MCC: variants seen among roughly 807,000 people sequenced by gnomAD.
MCC encodes the protein colorectal mutant cancer protein.
In MCC, 90 loss-of-function variants were observed where a neutral mutation model predicts 116.2. That is an observed-to-expected ratio of 0.77 (90% CI 0.65 to 0.92). The LOEUF is 0.92. Among genes scored for constraint, MCC ranks in the 40% least tolerant of loss-of-function variants. The pLI is 0.00. For synonymous variants in MCC, 578 were observed against 510.5 expected (o/e 1.13, Z -1.78); for missense variants, 1,516 against 1,312.2 (o/e 1.16, Z -2.40).
chr5:113,229,631 G>A (rs1763868649), intron 3 of MCC, among the ~76,000 whole-genome samples: 1 of 152,194 alleles, frequency 6.6e-6, no homozygotes, highest in South Asian at 2.1e-4. Context: ...ACAGTCATGT[G>A]CTGCATAACA....
At chr5:113,476,411 T>A (rs1421408806) in intron 1 of MCC, among the ~76,000 whole-genome samples, 1 of 152,150 alleles carries the variant, frequency 6.6e-6, no homozygotes, top group Non-Finnish European at 1.5e-5. Flanking sequence ...GTCTATTGAT[T>A]TTTGACAAGG....
In MCC at chr5:113,085,204, A is replaced by G; in HGVS notation, c.1505T>C (p.Leu502Pro). 6.2e-7 allele frequency: 1 copy of G among 1,614,180 alleles called. No homozygotes were observed. Among genetic ancestry groups the G allele is most frequent in the Non-Finnish European group, 8.5e-7 (1 of 1,180,032 alleles). ...GTCATTGCTGCTGCTGCTTGTGCTC[A>G]GCTCCCCAGTGCTGGGGTTAATCGG... ...NRPINPSTGE[L>P]STSSSSNDIP... Residue 502 changes from leucine (L) to proline (P), a missense_variant, in exon 9 of 19, where the codon CTG (leucine) becomes CCG (proline). Physicochemically the swap from Leu to Pro is moderately conservative, Grantham distance 98. Coordinates refer to ENST00000408903, the MANE Select transcript of MCC (RefSeq NM_001085377.2).
chr5:113,326,919 G>C (rs1018644697), intron 3 of MCC, among the ~76,000 whole-genome samples: 1 of 152,154 alleles, frequency 6.6e-6, no homozygotes, highest in East Asian at 1.9e-4. Context: ...ATCTCTTAAA[G>C]AGAGTGCAGC....
chr5:113,425,847 T>G (rs1770467370), intron 1 of MCC, among the ~76,000 whole-genome samples: 1 of 151,902 alleles, frequency 6.6e-6, no homozygotes, highest in South Asian at 2.1e-4. Context: ...TCGTTCACCA[T>G]GCTGGGGGTG....
At chr5:113,432,320 C>CAAAAA (rs66577040) in intron 1 of MCC, among the ~76,000 whole-genome samples, 844 of 65,376 alleles carry the variant, frequency 0.013, no homozygotes, top group Non-Finnish European at 0.017. Flanking sequence ...GACTCTGTCT[C>CAAAAA]AAAAAAAAAA....
intron 12 of MCC, 28 bp downstream of exon 12, chr5:113,071,066 A>T: frequency 6.3e-7 from 1 of 1,596,088 alleles, no homozygotes; most frequent in African/African-American, 1.4e-5. Context: ...ACCCTGAAGT[A>T]GCTCCAAACA....
intron 2 of MCC, among the ~76,000 whole-genome samples, chr5:113,379,355 TAAC>T (rs1037168252): frequency 2.4e-4 from 36 of 152,232 alleles, no homozygotes; most frequent in African/African-American, 8.4e-4. Context: ...ATGATAATGA[TAAC>T]AACACGATTA....
Position 113,082,900 on chromosome 5 carries a change from T to C in MCC, c.1744A>G (p.Lys582Glu). 6.2e-7 allele frequency: 1 copy of C among 1,614,230 alleles called. No individual in the cohort carries two copies. Among genetic ancestry groups the C allele is most frequent in the Non-Finnish European group, 8.5e-7 (1 of 1,180,046 alleles). Residue 582 changes from lysine (K) to glutamate (E), a missense_variant, in exon 11 of 19, where the codon AAG (lysine) becomes GAG (glutamate). Lys to Glu is a moderately conservative substitution (Grantham distance 56). Transcript: ENST00000408903. The stretch of plus-strand genomic sequence containing the variant: ...GTTTCCACCTCAAACTCTCTAATCT[T>C]GCTTTCTGAGATGGCAGATCCGTGT... ...YSHGSAISES[K>E]IREFEVETER...
At position 113,064,048 on chromosome 5, in the gene MCC, C is replaced by G; in HGVS notation, c.2149G>C (p.Ala717Pro). The G allele has an allele frequency of 6.2e-7, 1 of 1,614,204 alleles. No homozygotes were observed. The stretch of plus-strand genomic sequence containing the variant: ...ACGCTGCAGCCGGCCACGGCAAAGG[C>G]TCCCCCACAGCTGCCGTCCAGCTTC... ...LMKLDGSCGG[A>P]FAVAGCSVQP... Residue 717 changes from alanine (A) to proline (P), a missense_variant, in exon 14 of 19, where the codon GCC (alanine) becomes CCC (proline). Physicochemically the swap from Ala to Pro is conservative, Grantham distance 27. Coordinates refer to ENST00000408903, the MANE Select transcript of MCC (RefSeq NM_001085377.2).
intron 1 of MCC, chr5:113,433,796 C>G (rs764088372): frequency 3.1e-6 from 5 of 1,613,922 alleles, no homozygotes; most frequent in Non-Finnish European, 4.2e-6. Context: ...CCATAGTCGA[C>G]GGCTTGCTGG....
chr5:113,339,509 T>C (rs988893026), intron 3 of MCC, among the ~76,000 whole-genome samples: 3 of 151,898 alleles, frequency 2.0e-5, no homozygotes, highest in African/African-American at 7.3e-5. Context: ...ATGCATTCCA[T>C]TTAGTTGTCG....
chr5:113,154,616 A>G (rs1760070049), intron 3 of MCC, among the ~76,000 whole-genome samples: 1 of 152,228 alleles, frequency 6.6e-6, no homozygotes, highest in African/African-American at 2.4e-5. Context: ...GGGTTTCACC[A>G]GTCTCTGGCT....
chr5:113,298,307 G>A (rs1766762617), intron 3 of MCC, among the ~76,000 whole-genome samples: 1 of 152,208 alleles, frequency 6.6e-6, no homozygotes, highest in Non-Finnish European at 1.5e-5. Flanking sequence ...GGCAGAAGGA[G>A]GAGCAGCATC....
chr5:113,252,935 G>C (rs913823273), intron 3 of MCC, among the ~76,000 whole-genome samples: 1 of 152,224 alleles, frequency 6.6e-6, no homozygotes, highest in African/African-American at 2.4e-5. Context: ...GGGAACTGGC[G>C]AACATGGAGA....
chr5:113,327,586 A>AT lies in MCC; in HGVS notation c.627+12932_627+12933insA, dbSNP rs1561525256. Among the ~76,000 whole-genome samples, 238 of 112,930 alleles carry AT rather than the reference A, an allele frequency of 2.1e-3. 3 individuals are homozygous for AT. Among genetic ancestry groups the AT allele is most frequent in the Non-Finnish European group, 2.3e-3 (132 of 57,196 alleles). The allele number at this position is 112,930 out of a possible 152,430, so 74.1% of individuals were successfully genotyped here. Reference sequence around the variant, plus strand: ...AATATATATATATATATATATATATAAAAATCTCATCCTCTATGTACTCTT... The same window carrying AT: ...AATATATATATATATATATATATATATAAAATCTCATCCTCTATGTACTCTT... On this transcript the variant is annotated intron_variant, in intron 3 of 18. Coordinates refer to ENST00000408903, the MANE Select transcript of MCC (RefSeq NM_001085377.2).
rs546381898 is a variant in MCC at position 113,317,327 on chromosome 5, C to T, written c.627+23192G>A. Among the ~76,000 whole-genome samples, 3 of 152,320 alleles carry T rather than the reference C, an allele frequency of 2.0e-5. No individual in the cohort carries two copies. The South Asian group carries it at 6.2e-4, about 32-fold the overall frequency. On this transcript the variant is annotated intron_variant, in intron 3 of 18. Transcript: ENST00000408903. The stretch of plus-strand genomic sequence containing the variant: ...GGGAATTGGCCATATGTGAAATGAA[C>T]AGACCCTTGGGTCCACATGGGGCTT...
chr5:113,331,185 G>A (rs979736808), intron 3 of MCC, among the ~76,000 whole-genome samples: 4 of 148,108 alleles, frequency 2.7e-5, no homozygotes, highest in Non-Finnish European at 5.9e-5. Flanking sequence ...AGAGAGTAGG[G>A]GGTCTGGGAC....
At chr5:113,063,891 C>G in intron 14 of MCC, 93 bp downstream of exon 14, 3 of 1,365,810 alleles carry the variant, frequency 2.2e-6, no homozygotes, top group South Asian at 1.5e-5. Context: ...CCAAGCCACA[C>G]AGTCCCCAAG....
At chr5:113,292,386 G>A (rs1454303977) in intron 3 of MCC, among the ~76,000 whole-genome samples, 1 of 152,142 alleles carries the variant, frequency 6.6e-6, no homozygotes, top group Non-Finnish European at 1.5e-5. Context: ...TGAATGAGCA[G>A]ACACCGATGA....
Sources: gnomAD v4.1 joint callset for allele counts (sites outside exome capture counted in the v4.1 genomes callset) on GRCh38, gnomAD v4.1.1 for gene constraint, MANE v1.5 for transcripts, NCBI Gene and HGNC (gene_info 2026-07-23, HGNC 2026-07-21) for gene names.